Variants in PHACTR1 observed in about 807,000 individuals in gnomAD.
PHACTR1 encodes the protein RPEL repeat containing 1.
A neutral mutation model predicts 69.2 loss-of-function variants in PHACTR1; 16 were observed. The observed-to-expected ratio is 0.23, with a 90% CI of 0.16 to 0.35. The LOEUF (loss-of-function observed/expected upper bound fraction) is 0.35, where lower values mean the gene tolerates loss of function less well. PHACTR1 is among the 10% of genes least tolerant of loss of function. The pLI is 1.00. For synonymous variants in PHACTR1, 312 were observed against 284.5 expected, an observed-to-expected ratio of 1.10 and a Z score of -0.97; for missense variants, 510 against 734.7, an observed-to-expected ratio of 0.69 and a Z score of 3.54.
At chr6:13,041,387 A>G (rs1804140316) in intron 4 of PHACTR1, among the ~76,000 whole-genome samples, 1 of 105,210 alleles carries the variant, frequency 9.5e-6, no homozygotes, top group African/African-American at 3.2e-5. Flanking sequence ...CACAGAAGAG[A>G]AGAATGTTTT....
At chr6:13,136,544 T>C (rs1337821090) in intron 5 of PHACTR1, among the ~76,000 whole-genome samples, 1 of 152,266 alleles carries the variant, frequency 6.6e-6, no homozygotes, top group African/African-American at 2.4e-5. Context: ...CATTCATGTA[T>C]TCACTGAAGT....
At chr6:12,739,077 T>C (rs1440988967) in intron 3 of PHACTR1, among the ~76,000 whole-genome samples, 2 of 148,160 alleles carry the variant, frequency 1.3e-5, no homozygotes, top group South Asian at 2.3e-4. Context: ...TCAAACTGAG[T>C]GCTGCGACAC....
At chr6:13,248,366 G>A (rs916893769) in intron 10 of PHACTR1, among the ~76,000 whole-genome samples, 36 of 152,186 alleles carry the variant, frequency 2.4e-4, no homozygotes, top group South Asian at 2.1e-4. Flanking sequence ...ATTGTATCAC[G>A]TCAGCTGCAG....
chr6:13,136,657 G>A (rs1352856793), intron 5 of PHACTR1, among the ~76,000 whole-genome samples: 1 of 151,620 alleles, frequency 6.6e-6, no homozygotes, highest in Non-Finnish European at 1.5e-5. Flanking sequence ...TCTAGTTTTT[G>A]ATTTAATATG....
intron 5 of PHACTR1, among the ~76,000 whole-genome samples, chr6:13,150,112 C>T (rs1380123789): frequency 6.6e-6 from 1 of 152,038 alleles, no homozygotes; most frequent in Non-Finnish European, 1.5e-5. Flanking sequence ...TTTGGAAGGC[C>T]GAGGCAGGCA....
At chr6:12,869,129 T>G (rs1781764377) in intron 4 of PHACTR1, among the ~76,000 whole-genome samples, 1 of 152,138 alleles carries the variant, frequency 6.6e-6, no homozygotes, top group East Asian at 1.9e-4. Context: ...GTGCTTCAGG[T>G]AGAACAACCC....
chr6:13,076,942 G>A (rs1245642075), intron 5 of PHACTR1, among the ~76,000 whole-genome samples: 5 of 126,006 alleles, frequency 4.0e-5, no homozygotes, highest in Admixed American at 8.7e-5. Context: ...TGGGGACTGC[G>A]GTGGGGTGGG....
chr6:13,182,827 A>C, intron 7 of PHACTR1, 141 bp downstream of exon 7: 1 of 737,626 alleles, frequency 1.4e-6, no homozygotes, highest in East Asian at 2.9e-5. Flanking sequence ...GAAACAGATT[A>C]GTTTTTAGTA....
chr6:13,228,702 C>T lies in PHACTR1; in HGVS notation c.1234+639C>T, dbSNP rs147870746. On this transcript the variant is annotated intron_variant, in intron 9 of 14. Coordinates refer to ENST00000332995, the MANE Select transcript of PHACTR1 (RefSeq NM_030948.6). ...GTACTGTGTGCCTGACAATGGGCTA[C>T]GGTTTTAATCTCTCACCTACATCTC... Among the ~76,000 whole-genome samples, 976 of 152,316 alleles carry T rather than the reference C, an allele frequency of 6.4e-3. 12 individuals are homozygous for T. Among genetic ancestry groups the T allele is most frequent in the African/African-American group, 0.021 (880 of 41,560 alleles).
At chr6:13,205,091 A>G (rs1765711936) in intron 7 of PHACTR1, among the ~76,000 whole-genome samples, 1 of 152,206 alleles carries the variant, frequency 6.6e-6, no homozygotes, top group Admixed American at 6.5e-5. Flanking sequence ...GGGAAGTATG[A>G]GAAACATGGT....
chr6:13,088,323 C>CAAA (rs56960328), intron 5 of PHACTR1, among the ~76,000 whole-genome samples: 9,634 of 140,918 alleles, frequency 0.068, 1,134 homozygotes, highest in African/African-American at 0.24. Flanking sequence ...CTACCCCCCG[C>CAAA]AAAAAAAAAA....
chr6:12,937,942 A>G (rs533769353), intron 4 of PHACTR1, among the ~76,000 whole-genome samples: 1 of 152,278 alleles, frequency 6.6e-6, no homozygotes, highest in East Asian at 1.9e-4. Context: ...CCTACTAAAA[A>G]TACAAAAAGT....
chr6:13,175,341 A>C (rs1761174568), intron 6 of PHACTR1, among the ~76,000 whole-genome samples: 1 of 152,158 alleles, frequency 6.6e-6, no homozygotes, highest in Non-Finnish European at 1.5e-5. Context: ...CATGCAGAGA[A>C]TACTTTGATC....
At chr6:12,808,585 T>C (rs1774626942) in intron 4 of PHACTR1, among the ~76,000 whole-genome samples, 1 of 152,180 alleles carries the variant, frequency 6.6e-6, no homozygotes, top group Admixed American at 6.5e-5. Context: ...GTAAGTGACA[T>C]AGAAAGGTTT....
intron 5 of PHACTR1, among the ~76,000 whole-genome samples, chr6:13,139,451 C>T (rs995684812): frequency 2.6e-5 from 4 of 151,980 alleles, no homozygotes; most frequent in African/African-American, 7.3e-5. Context: ...TTGTTTTTTC[C>T]GTTGTATTTA....
chr6:12,944,411 C>T (rs923980540), intron 4 of PHACTR1, among the ~76,000 whole-genome samples: 5 of 152,168 alleles, frequency 3.3e-5, no homozygotes, highest in Non-Finnish European at 7.3e-5. Context: ...TTAAGAAAAT[C>T]CCTCACCATC....
At chr6:13,064,918 G>A (rs1429102118) in intron 5 of PHACTR1, among the ~76,000 whole-genome samples, 1 of 151,970 alleles carries the variant, frequency 6.6e-6, no homozygotes. Flanking sequence ...AAACAGTGCT[G>A]GATGAACGCC....
intron 7 of PHACTR1, among the ~76,000 whole-genome samples, chr6:13,198,533 C>A (rs1561980579): frequency 6.6e-6 from 1 of 152,014 alleles, no homozygotes; most frequent in African/African-American, 2.4e-5. Context: ...GGGTGTCCAA[C>A]CTTTTGGCTT....
At chr6:13,134,892 G>T (rs1242632611) in intron 5 of PHACTR1, among the ~76,000 whole-genome samples, 6 of 151,088 alleles carry the variant, frequency 4.0e-5, no homozygotes, top group Non-Finnish European at 7.4e-5. Flanking sequence ...GAGATATAGA[G>T]TACTTAGGTA....
Sources: allele counts gnomAD v4.1 joint callset (sites outside exome capture counted in the v4.1 genomes callset), GRCh38; gene constraint gnomAD v4.1.1; transcripts MANE v1.5; gene names NCBI Gene and HGNC (gene_info 2026-07-23, HGNC 2026-07-21).